PSD3: variants seen among roughly 807,000 people sequenced by gnomAD.
The protein encoded by PSD3 is pleckstrin and Sec7 domain containing 3.
In PSD3, 49 loss-of-function variants were observed where a neutral mutation model predicts 105.5. The ratio of observed to expected loss-of-function variants is 0.46; its 90% CI spans 0.37 to 0.59. The LOEUF (loss-of-function observed/expected upper bound fraction) is 0.59, where lower values mean the gene tolerates loss of function less well. Ranked by LOEUF, PSD3 falls within the 20% of genes least tolerant of loss-of-function variation. The pLI is 0.00. For synonymous variants in PSD3, 557 were observed against 457.8 expected (o/e 1.22, Z -2.77); for missense variants, 1,561 against 1,263.8 (o/e 1.24, Z -3.57).
intron 4 of PSD3, among the ~76,000 whole-genome samples, chr8:18,830,828 A>C (rs1487219774): frequency 6.6e-6 from 1 of 152,164 alleles, no homozygotes; most frequent in Non-Finnish European, 1.5e-5. Flanking sequence ...GATTCTTTCA[A>C]CCTAAACCAT....
intron 1 of PSD3, among the ~76,000 whole-genome samples, chr8:19,037,965 T>A (rs1417441264): frequency 6.7e-6 from 1 of 149,536 alleles, no homozygotes; most frequent in Non-Finnish European, 1.5e-5. Flanking sequence ...AAAGTATATA[T>A]ATATAATTTT....
At chr8:19,017,849 A>G (rs1283957076), upstream of PSD3, among the ~76,000 whole-genome samples, 1 of 152,194 alleles carries the variant, frequency 6.6e-6, no homozygotes, top group East Asian at 1.9e-4. Context: ...GGCTGTTAGG[A>G]ATAACACTAC....
chr8:18,615,856 G>A (rs2130678085), intron 11 of PSD3, among the ~76,000 whole-genome samples: 1 of 152,212 alleles, frequency 6.6e-6, no homozygotes, highest in South Asian at 2.1e-4. Flanking sequence ...TGCTGTGCAC[G>A]CATTTCTACA....
chr8:18,547,119 C>G (rs576761159), intron 15 of PSD3, among the ~76,000 whole-genome samples: 1 of 152,128 alleles, frequency 6.6e-6, no homozygotes, highest in South Asian at 2.1e-4. Context: ...GGCCCTAGCA[C>G]TGGGCACCCA....
At chr8:18,951,254 G>A (rs1274431791) in intron 1 of PSD3, among the ~76,000 whole-genome samples, 1 of 152,082 alleles carries the variant, frequency 6.6e-6, no homozygotes, top group African/African-American at 2.4e-5. Flanking sequence ...AAATAGCCAG[G>A]TGTGGTGGCA....
chr8:18,774,948 GC>G (rs1807899336), intron 8 of PSD3: 1 of 456,060 alleles, frequency 2.2e-6, no homozygotes, highest in South Asian at 1.5e-5. Flanking sequence ...GCTGCCAAAT[GC>G]CCCGAGGGAA....
At chr8:18,694,021 A>G (rs1801125636) in intron 9 of PSD3, among the ~76,000 whole-genome samples, 1 of 152,180 alleles carries the variant, frequency 6.6e-6, no homozygotes, top group South Asian at 2.1e-4. Flanking sequence ...TGAAAAAAGA[A>G]TTTGGGATCT....
chr8:18,849,362 AT>A, intron 4 of PSD3: 1 of 152,236 alleles, frequency 6.6e-6, no homozygotes, highest in Non-Finnish European at 1.5e-5. Context: ...TTACAGTACT[AT>A]TTTTGGCCAT....
At chr8:18,903,634 G>T (rs1464596934) in intron 2 of PSD3, among the ~76,000 whole-genome samples, 1 of 152,106 alleles carries the variant, frequency 6.6e-6, no homozygotes, top group Non-Finnish European at 1.5e-5. Context: ...TCAGCCCAGG[G>T]ATGTGTAGCT....
intron 15 of PSD3, among the ~76,000 whole-genome samples, chr8:18,537,175 G>A (rs1227611530): frequency 1.3e-5 from 2 of 152,190 alleles, no homozygotes; most frequent in Non-Finnish European, 2.9e-5. Context: ...TGCCGATGAT[G>A]ACATTTATTG....
intron 11 of PSD3, among the ~76,000 whole-genome samples, chr8:18,613,788 G>A (rs545522790): frequency 6.6e-6 from 1 of 152,208 alleles, no homozygotes; most frequent in African/African-American, 2.4e-5. Context: ...AAACAACCCA[G>A]TACCTTGCCT....
At chr8:18,666,205 T>G (rs1049817072) in intron 9 of PSD3, among the ~76,000 whole-genome samples, 6 of 152,210 alleles carry the variant, frequency 3.9e-5, no homozygotes, top group Non-Finnish European at 7.3e-5. Flanking sequence ...GGCACGCCAC[T>G]GTGTCCTGTT....
In PSD3 at chr8:18,993,429, T is replaced by C. The variant is rs1825911341; in HGVS notation, c.21+20134A>G. Among the ~76,000 whole-genome samples the C allele has an allele frequency of 1.3e-5, 2 of 149,606 alleles. 1 individual carries two copies. Among genetic ancestry groups the C allele is most frequent in the South Asian group, 4.3e-4 (2 of 4,612 alleles). ...TTGTTTCAGAGTATAGTGGCACTGT[T>C]TCTGGCACTTATTTATTGATGAAGA... On this transcript the variant is annotated intron_variant, in intron 1 of 15. Transcript: ENST00000327040.
rs976700322 is a variant in PSD3 at position 18,914,204 on chromosome 8, A to AAG, written c.130+21829_130+21830insCT. Among the ~76,000 whole-genome samples the AAG allele has an allele frequency of 2.8e-4, 42 of 151,720 alleles. No homozygotes were observed. In the South Asian group the frequency reaches 6.7e-3, roughly 24 times the overall value. On this transcript the variant is annotated intron_variant, in intron 2 of 15. Transcript: ENST00000327040. The stretch of plus-strand genomic sequence containing the variant: ...CAACACCCTTTCATGATAAAGAAAA[A>AAG]AAAAAAAAACACCTTTCAACAAATC...
At chr8:18,701,047 G>A (rs1801547344) in intron 9 of PSD3, among the ~76,000 whole-genome samples, 1 of 151,960 alleles carries the variant, frequency 6.6e-6, no homozygotes, top group Admixed American at 6.6e-5. Flanking sequence ...GCTCACTGTA[G>A]CCTCAACCTC....
chr8:18,969,945 T>C (rs1339331069), intron 1 of PSD3, among the ~76,000 whole-genome samples: 1 of 152,146 alleles, frequency 6.6e-6, no homozygotes, highest in African/African-American at 2.4e-5. Context: ...TTTTAAAAGT[T>C]TATGTATATT....
At chr8:18,778,908 T>G (rs1050707718) in intron 8 of PSD3, among the ~76,000 whole-genome samples, 2 of 152,102 alleles carry the variant, frequency 1.3e-5, no homozygotes, top group Admixed American at 6.5e-5. Flanking sequence ...AATACTGGCC[T>G]ATAGTGTTTT....
intron 9 of PSD3, among the ~76,000 whole-genome samples, chr8:18,674,181 G>A (rs1209141335): frequency 1.3e-5 from 2 of 151,968 alleles, no homozygotes; most frequent in Non-Finnish European, 2.9e-5. Flanking sequence ...AAGGGTATGC[G>A]GCTATCAAAG....
At chr8:18,651,147 G>C (rs1414658985) in intron 10 of PSD3, among the ~76,000 whole-genome samples, 1 of 152,140 alleles carries the variant, frequency 6.6e-6, no homozygotes, top group Non-Finnish European at 1.5e-5. Context: ...AGCTGAACTA[G>C]GCATAATACT....
Sources: gnomAD v4.1 joint callset for allele counts (sites outside exome capture counted in the v4.1 genomes callset) on GRCh38, gnomAD v4.1.1 for gene constraint, MANE v1.5 for transcripts, NCBI Gene and HGNC (gene_info 2026-07-23, HGNC 2026-07-21) for gene names.